Variants in STAG2 observed in about 807,000 individuals in gnomAD.
The protein encoded by STAG2 is cohesin subunit SA-2.
In STAG2, 14 loss-of-function variants were observed where a neutral mutation model predicts 108.1. The observed-to-expected ratio is 0.13, with a 90% CI of 0.09 to 0.20. The LOEUF is 0.20. Ranked by LOEUF, STAG2 falls within the 10% of genes least tolerant of loss-of-function variation. The probability of loss-of-function intolerance (pLI) is 1.00; values close to 1 mark genes in which losing one functional copy is unlikely to be tolerated. For synonymous variants in STAG2, 307 were observed against 302.7 expected (o/e 1.01, Z -0.15); for missense variants, 440 against 940.9 (o/e 0.47, Z 6.96).
intron 1 of STAG2, among the ~76,000 whole-genome samples, chrX:124,014,596 A>C (rs1300666837): frequency 9.0e-6 from 1 of 111,510 alleles, no homozygotes; most frequent in Non-Finnish European, 1.9e-5. Context: ...CCTGGCCTCA[A>C]GTGATCTGCC....
rs747333406 is a variant in STAG2, at chrX:123,972,866, C to CAAAA, written c.-163+11032_-163+11035dup. Among the ~76,000 whole-genome samples the CAAAA allele has an allele frequency of 5.4e-3, 118 of 21,921 alleles. 7 individuals are homozygous for CAAAA. Among genetic ancestry groups the CAAAA allele is most frequent in the African/African-American group, 0.018 (94 of 5,266 alleles). 19.0% of individuals were successfully genotyped at this position (21,921 alleles called of 115,157 possible). A position where few individuals can be genotyped will look rare whatever the true frequency, so the allele number is the denominator to read the frequency against. On this transcript the variant is annotated intron_variant, in intron 1 of 34. Coordinates refer to ENST00000371145, the MANE Select transcript of STAG2 (RefSeq NM_001042750.2). ...AAACTCCCCCCCTCTACCAAAAATA[C>CAAAA]AAAAAAAAAAAAAAAAAAAAAAAAA...
intron 30 of STAG2, among the ~76,000 whole-genome samples, chrX:124,088,705 C>G (rs1014021388): frequency 9.4e-6 from 1 of 106,374 alleles, no homozygotes; most frequent in Non-Finnish European, 1.9e-5. Flanking sequence ...ACCTCCCCCT[C>G]CCTTGTTCAA....
intron 1 of STAG2, among the ~76,000 whole-genome samples, chrX:124,014,203 T>C (rs756411738): frequency 8.9e-6 from 1 of 111,960 alleles, no homozygotes; most frequent in East Asian, 2.8e-4. Context: ...GTAGTGATGC[T>C]GTATCTGTAG....
intron 25 of STAG2, among the ~76,000 whole-genome samples, chrX:124,075,684 C>G (rs2058782778): frequency 9.0e-6 from 1 of 110,690 alleles, no homozygotes; most frequent in South Asian, 3.7e-4. Context: ...AAAGCTTCAT[C>G]TAGTTTTATT....
chrX:124,028,824 T>TATATATA (rs1569507053), intron 4 of STAG2, among the ~76,000 whole-genome samples: 30 of 65,689 alleles, frequency 4.6e-4, no homozygotes, highest in African/African-American at 1.7e-3. Context: ...ATATATATAT[T>TATATATA]TTTTTTTTTA....
chrX:124,012,114 GAAACAGT>G (rs1272442250), intron 1 of STAG2, among the ~76,000 whole-genome samples: 1 of 111,616 alleles, frequency 9.0e-6, no homozygotes. Context: ...TTTGTATGTT[GAAACAGT>G]CTTGCATTTC....
intron 1 of STAG2, among the ~76,000 whole-genome samples, chrX:124,004,591 C>CCATT (rs202164081): frequency 0.015 from 1,621 of 111,422 alleles, 32 homozygotes; most frequent in African/African-American, 0.05. Flanking sequence ...TTTTGTTCAT[C>CCATT]CATTCATTCA....
chrX:124,049,573 T>C (rs922453657), intron 10 of STAG2, among the ~76,000 whole-genome samples: 9 of 112,287 alleles, frequency 8.0e-5, no homozygotes, highest in Non-Finnish European at 1.7e-4. Flanking sequence ...ATCCTCAACT[T>C]GGCAGTTACT....
At position 124,086,471 on chromosome X, in the gene STAG2, T is replaced by C. The variant is rs747593686; in HGVS notation, c.3054-76T>C. 34 of 798,384 alleles carry C rather than the reference T, an allele frequency of 4.3e-5. No homozygotes were observed. The African/African-American group carries it at 5.9e-4, about 14-fold the overall frequency. 65.8% of individuals were successfully genotyped at this position (798,384 alleles called of 1,213,427 possible). A position where few individuals can be genotyped will look rare whatever the true frequency, so the allele number is the denominator to read the frequency against. ...AGTTTGAGTAGTGAAGTAATATGCC[T>C]ATGCTCGCACAACTATGAGTTAATA... On this transcript the variant is annotated intron_variant, in intron 29 of 34. Coordinates refer to ENST00000371145, the MANE Select transcript of STAG2 (RefSeq NM_001042750.2).
At chrX:123,979,186 T>C (rs1404073383) in intron 1 of STAG2, among the ~76,000 whole-genome samples, 2 of 111,633 alleles carry the variant, frequency 1.8e-5, no homozygotes, top group Non-Finnish European at 3.8e-5. Context: ...TCTAGGATAT[T>C]TTGCTCAAAT....
intron 25 of STAG2, among the ~76,000 whole-genome samples, chrX:124,075,421 G>A (rs372474553): frequency 9.0e-6 from 1 of 110,762 alleles, no homozygotes; most frequent in Non-Finnish European, 1.9e-5. Flanking sequence ...GTATAGGCGC[G>A]TGCTACCACA....
intron 34 of STAG2, among the ~76,000 whole-genome samples, chrX:124,096,001 T>G: frequency 9.1e-6 from 1 of 110,150 alleles, no homozygotes; most frequent in South Asian, 4.0e-4. Context: ...CAGTCCCCTG[T>G]GCCATATTCT....
intron 25 of STAG2, among the ~76,000 whole-genome samples, chrX:124,075,734 T>G (rs1245611546): frequency 9.0e-6 from 1 of 111,711 alleles, no homozygotes; most frequent in African/African-American, 3.3e-5. Context: ...TTGCATTACT[T>G]GGAGGCTGCA....
At chrX:123,986,159 A>G (rs2055177475) in intron 1 of STAG2, among the ~76,000 whole-genome samples, 1 of 107,001 alleles carries the variant, frequency 9.3e-6, no homozygotes, top group South Asian at 3.8e-4. Context: ...TATGATATAT[A>G]TGATACATAT....
intron 3 of STAG2, among the ~76,000 whole-genome samples, chrX:124,024,427 A>G (rs964644953): frequency 1.8e-5 from 2 of 110,762 alleles, no homozygotes; most frequent in African/African-American, 6.6e-5. Flanking sequence ...GATGACAACA[A>G]TCTTCTTAAG....
intron 6 of STAG2, among the ~76,000 whole-genome samples, chrX:124,040,208 T>C (rs1053072955): frequency 8.9e-6 from 1 of 111,866 alleles, no homozygotes; most frequent in African/African-American, 3.3e-5. Context: ...CAGTTATTTT[T>C]TCTACAATAC....
In STAG2 at chrX:124,090,347, C is replaced by T. The variant is rs556157133; in HGVS notation, c.3278-228C>T. Among the ~76,000 whole-genome samples, 8 of 108,803 alleles carry T rather than the reference C, an allele frequency of 7.4e-5. No individual in the cohort carries two copies. In the South Asian group the frequency reaches 1.6e-3, roughly 22 times the overall value. 94.5% of individuals were successfully genotyped at this position (108,803 alleles called of 115,157 possible). A position where few individuals can be genotyped will look rare whatever the true frequency, so the allele number is the denominator to read the frequency against. Reference sequence around the variant, plus strand: ...CACTGCCCCCATTCCCCTTATACTTCCCTCTCTCCTTGCATTTACCACACT... The same window carrying T: ...CACTGCCCCCATTCCCCTTATACTTTCCTCTCTCCTTGCATTTACCACACT... On this transcript the variant is annotated intron_variant, in intron 30 of 34. Transcript: ENST00000371145.
intron 32 of STAG2, among the ~76,000 whole-genome samples, chrX:124,092,528 T>C (rs1049950165): frequency 1.8e-5 from 2 of 111,813 alleles, no homozygotes; most frequent in African/African-American, 6.5e-5. Flanking sequence ...CTTAGTACCA[T>C]TTTAATTCCC....
intron 27 of STAG2, among the ~76,000 whole-genome samples, chrX:124,078,492 A>C (rs1001053283): frequency 3.6e-5 from 4 of 111,690 alleles, no homozygotes; most frequent in Non-Finnish European, 7.5e-5. Flanking sequence ...TTCTGCGATG[A>C]CCGTTGTACA....
Sources: allele counts gnomAD v4.1 joint callset (sites outside exome capture counted in the v4.1 genomes callset), GRCh38; gene constraint gnomAD v4.1.1; transcripts MANE v1.5; gene names NCBI Gene and HGNC (gene_info 2026-07-23, HGNC 2026-07-21).